DPY19L4: variants seen among roughly 807,000 people sequenced by gnomAD.
DPY19L4 encodes the protein dpy-19 like 4, also known as probable C-mannosyltransferase DPY19L4.
A neutral mutation model predicts 102.8 loss-of-function variants in DPY19L4; 97 were observed. The observed-to-expected ratio is 0.94, with a 90% CI of 0.80 to 1.12. DPY19L4 has a LOEUF of 1.12. Among genes scored for constraint, DPY19L4 ranks in the 50% most tolerant of loss-of-function variants. The pLI, the probability that DPY19L4 is intolerant of heterozygous loss-of-function variation, is 0.00. For missense variants in DPY19L4, 815 were observed against 850.4 expected (o/e 0.96, Z 0.52); for synonymous variants, 252 against 283.1 (o/e 0.89, Z 1.10).
intron 1 of DPY19L4, among the ~76,000 whole-genome samples, chr8:94,725,508 G>C (rs1194122732): frequency 6.6e-6 from 1 of 152,154 alleles, no homozygotes; most frequent in Non-Finnish European, 1.5e-5. Context: ...TATCTTTGTA[G>C]GTTCAGCCTA....
At chr8:94,749,915 C>T (rs1413444040) in intron 6 of DPY19L4, among the ~76,000 whole-genome samples, 1 of 152,166 alleles carries the variant, frequency 6.6e-6, no homozygotes, top group East Asian at 1.9e-4. Context: ...TGAGCTTAAA[C>T]AATGAAATCA....
intron 6 of DPY19L4, among the ~76,000 whole-genome samples, chr8:94,751,692 G>A (rs995747190): frequency 6.6e-6 from 1 of 151,664 alleles, no homozygotes; most frequent in African/African-American, 2.4e-5. Flanking sequence ...GTTTCACCAT[G>A]TTGCCCAGGC....
At chr8:94,784,752 G>A (rs1050511799) in intron 17 of DPY19L4, among the ~76,000 whole-genome samples, 3 of 152,144 alleles carry the variant, frequency 2.0e-5, no homozygotes, top group African/African-American at 4.8e-5. Context: ...TTTAAAAGAA[G>A]GCTGTCAATT....
At chr8:94,754,938 G>A (rs1040954504) in intron 6 of DPY19L4, among the ~76,000 whole-genome samples, 4 of 152,078 alleles carry the variant, frequency 2.6e-5, no homozygotes, top group Non-Finnish European at 4.4e-5. Flanking sequence ...ACAGGCACGC[G>A]CCACCACGGC....
At position 94,781,150 on chromosome 8, in the gene DPY19L4, C is replaced by G; in HGVS notation, c.1699C>G (p.Leu567Val). ...QEFYDPDTVE[L>V]MTWIKRQAPV... The stretch of plus-strand genomic sequence containing the variant: ...ATTCTATGACCCAGATACAGTGGAA[C>G]TTATGACCTGGATAAAGTAAGGATT... Residue 567 changes from leucine to valine, a missense_variant, in exon 16 of 19, where the codon CTT becomes GTT. By Grantham distance (32) the Leu-to-Val change is conservative. Coordinates refer to ENST00000414645, the MANE Select transcript of DPY19L4 (RefSeq NM_181787.3). The G allele has an allele frequency of 6.3e-7, 1 of 1,583,330 alleles. No individual in the cohort carries two copies. Among genetic ancestry groups the G allele is most frequent in the Non-Finnish European group, 8.6e-7 (1 of 1,169,354 alleles).
rs760649626 is a variant in DPY19L4, at chr8:94,739,639, A to G, written c.466-6A>G. On this transcript the variant is annotated splice_polypyrimidine_tract_variant and splice_region_variant and intron_variant, in intron 5 of 18. Transcript: ENST00000414645. ...GTCTTGTTCTCTTTCTGTTTTTTCC[A>G]CATAGGAGATTATTGAGCCAGTGTA... 1 of 1,613,258 alleles carries G rather than the reference A, an allele frequency of 6.2e-7. No individual in the cohort carries two copies. The highest frequency in any genetic ancestry group is 8.5e-7 in the Non-Finnish European group (1 of 1,179,606).
intron 13 of DPY19L4, among the ~76,000 whole-genome samples, chr8:94,774,561 T>C (rs1163323259): frequency 1.3e-5 from 2 of 151,518 alleles, no homozygotes; most frequent in African/African-American, 4.9e-5. Context: ...TAATCACCAT[T>C]TGACTTTCCA....
intron 6 of DPY19L4, among the ~76,000 whole-genome samples, chr8:94,748,830 G>A (rs758180819): frequency 3.9e-5 from 6 of 152,120 alleles, no homozygotes; most frequent in Non-Finnish European, 8.8e-5. Context: ...TCTAACTAAT[G>A]CCTGATGATC....
Position 94,719,937 on chromosome 8 carries a change from C to G in DPY19L4, c.-62C>G. 1 of 1,454,014 alleles carries G rather than the reference C, an allele frequency of 6.9e-7. No individual in the cohort carries two copies. Among genetic ancestry groups the G allele is most frequent in the Non-Finnish European group, 9.1e-7 (1 of 1,098,610 alleles). 90.1% of individuals were successfully genotyped at this position (1,454,014 alleles called of 1,614,324 possible). Reference sequence around the variant, plus strand: ...CCGGAGGCCGAGGGGTTCGGCGACGCGGAGGGAGGGAGAGTCTGGGCCGCG... The same window carrying G: ...CCGGAGGCCGAGGGGTTCGGCGACGGGGAGGGAGGGAGAGTCTGGGCCGCG... On this transcript the variant is annotated 5_prime_UTR_variant, in exon 1 of 19. Coordinates refer to ENST00000414645, the MANE Select transcript of DPY19L4 (RefSeq NM_181787.3).
Position 94,791,557 on chromosome 8 carries a change from A to G in DPY19L4, c.*1647A>G, listed in dbSNP as rs141734801. On this transcript the variant is annotated 3_prime_UTR_variant, in exon 19 of 19. Transcript: ENST00000414645. ...ATTTTGCTTCAAGCCTTCTGAAAAT[A>G]TAACCATAGTTACCTAAGCACACAG... 7.2e-5 allele frequency: 11 copies of G among 152,310 alleles called. No homozygotes were observed. The East Asian group carries it at 1.9e-3, about 27-fold the overall frequency. The allele number at this position is 152,310 out of a possible 1,614,324, so 9.4% of individuals were successfully genotyped here. A position where few individuals can be genotyped will look rare whatever the true frequency, so the allele number is the denominator to read the frequency against.
At chr8:94,739,892 C>T (rs1257656045) in intron 6 of DPY19L4, 102 bp downstream of exon 6, 11 of 1,369,184 alleles carry the variant, frequency 8.0e-6, no homozygotes, top group African/African-American at 4.3e-5. Context: ...CTCTAATCCT[C>T]AGAACCTATG....
chr8:94,729,597 C>CAAAAAAA (rs770975687), intron 2 of DPY19L4, among the ~76,000 whole-genome samples: 7 of 31,046 alleles, frequency 2.3e-4, no homozygotes, highest in Admixed American at 6.0e-4. Flanking sequence ...GATTCCATCT[C>CAAAAAAA]AAAAAAAAAA....
At chr8:94,720,760 A>G (rs2130771909) in intron 1 of DPY19L4, among the ~76,000 whole-genome samples, 1 of 152,340 alleles carries the variant, frequency 6.6e-6, no homozygotes, top group Non-Finnish European at 1.5e-5. Flanking sequence ...GTTAGATGAA[A>G]CTTATCGGTT....
rs143132758 is a variant in DPY19L4 at position 94,720,003 on chromosome 8, C to T, written c.5C>T (p.Ala2Val). The change falls in exon 1 of 19, where the codon GCG becomes GTG. Residue 2 changes from alanine (A) to valine (V), a missense_variant. Ala to Val is a moderately conservative substitution (Grantham distance 64, BLOSUM62 0). Coordinates refer to ENST00000414645, the MANE Select transcript of DPY19L4 (RefSeq NM_181787.3). ...GCCCTAGCCTTCGCAGAAACGATGGCGGAGGAAGAAGGTGATTGCCGCGGG... is the reference window on the plus strand; with the variant it reads ...GCCCTAGCCTTCGCAGAAACGATGGTGGAGGAAGAAGGTGATTGCCGCGGG... Reference protein sequence around the residue: MAEEEGPPVELR... With the variant: MVEEEGPPVELR... The T allele has an allele frequency of 3.7e-4, 563 of 1,529,162 alleles. 8 individuals are homozygous for T. The East Asian group carries it at 0.015, about 40-fold the overall frequency. The allele number at this position is 1,529,162 out of a possible 1,614,324, so 94.7% of individuals were successfully genotyped here.
At chr8:94,753,235 C>T (rs1276220534) in intron 6 of DPY19L4, among the ~76,000 whole-genome samples, 1 of 151,370 alleles carries the variant, frequency 6.6e-6, no homozygotes, top group Non-Finnish European at 1.5e-5. Flanking sequence ...AAATATTTTT[C>T]AAAAAAGAAT....
At chr8:94,747,839 C>T (rs778632373) in intron 6 of DPY19L4, among the ~76,000 whole-genome samples, 8 of 152,050 alleles carry the variant, frequency 5.3e-5, no homozygotes, top group Admixed American at 1.3e-4. Context: ...GGATAACAGG[C>T]GTGAGCCACC....
At chr8:94,720,163 G>A (rs1055886709) in intron 1 of DPY19L4, 149 bp downstream of exon 1, 66 of 1,369,202 alleles carry the variant, frequency 4.8e-5, no homozygotes, top group Non-Finnish European at 5.9e-5. Context: ...CGGCGCCCAG[G>A]AGAGGACTGC....
chr8:94,734,818 A>G (rs1357923668), intron 3 of DPY19L4, 64 bp downstream of exon 3: 8 of 1,602,898 alleles, frequency 5.0e-6, no homozygotes, highest in Middle Eastern at 1.7e-4. Context: ...TGTATGTATG[A>G]TAAGTATGAC....
At chr8:94,780,507 C>T (rs1813382832) in intron 15 of DPY19L4, 92 bp downstream of exon 15, 2 of 791,912 alleles carry the variant, frequency 2.5e-6, no homozygotes, top group Non-Finnish European at 3.6e-6. Flanking sequence ...CATGTTGAGA[C>T]ACTATCCTAA....
Sources: gnomAD v4.1 joint callset for allele counts (sites outside exome capture counted in the v4.1 genomes callset) on GRCh38, gnomAD v4.1.1 for gene constraint, MANE v1.5 for transcripts, NCBI Gene and HGNC (gene_info 2026-07-23, HGNC 2026-07-21) for gene names.